Variants in RPS6KA2 observed in about 807,000 individuals in gnomAD.
RPS6KA2 encodes the protein ribosomal protein S6 kinase alpha-2.
Under a neutral mutation model 91.8 loss-of-function variants are expected in RPS6KA2, and 42 were observed. The ratio of observed to expected loss-of-function variants is 0.46; its 90% CI spans 0.36 to 0.59. The LOEUF (loss-of-function observed/expected upper bound fraction) is 0.59, where lower values mean the gene tolerates loss of function less well. RPS6KA2 is among the 20% of genes least tolerant of loss of function. The pLI, the probability that RPS6KA2 is intolerant of heterozygous loss-of-function variation, is 0.00. For synonymous variants in RPS6KA2, 414 were observed against 393.6 expected (o/e 1.05, Z -0.61); for missense variants, 798 against 978.5 (o/e 0.82, Z 2.46).
intron 2 of RPS6KA2, among the ~76,000 whole-genome samples, chr6:166,675,532 G>A (rs9348171): frequency 0.2 from 30,696 of 151,992 alleles, 3,163 homozygotes; most frequent in Middle Eastern, 0.28. Flanking sequence ...CAGCCCCAGC[G>A]CGACGTGCTC....
Position 166,411,774 on chromosome 6 carries a change from GAGA to G in RPS6KA2, c.*985_*987del, listed in dbSNP as rs889858506. On this transcript the variant is annotated 3_prime_UTR_variant, in exon 21 of 21. Transcript: ENST00000265678. This position sits in a 1 kb window ranked among gnomAD's most constrained non-coding sequence, Gnocchi z 4.5. ...TCTCCCTCCAGCCTCCAGCTGGACT[GAGA>G]AGGTTTGGGTGGGAAGCCACAGAGC... The G allele has an allele frequency of 3.3e-5, 5 of 152,430 alleles. No homozygotes were observed. The highest frequency in any genetic ancestry group is 1.2e-4 in the African/African-American group (5 of 41,460). The allele number at this position is 152,430 out of a possible 1,614,324, so 9.4% of individuals were successfully genotyped here. A position where few individuals can be genotyped will look rare whatever the true frequency, so the allele number is the denominator to read the frequency against.
intron 2 of RPS6KA2, among the ~76,000 whole-genome samples, chr6:166,690,092 C>T (rs747464064): frequency 5.3e-5 from 8 of 152,174 alleles, no homozygotes; most frequent in Non-Finnish European, 1.2e-4. Flanking sequence ...GGTGGCCTGT[C>T]AGGGGAAGGA....
At chr6:166,450,970 G>A (rs563144920) in intron 13 of RPS6KA2, 133 bp downstream of exon 13, 3 of 1,051,500 alleles carry the variant, frequency 2.9e-6, no homozygotes, top group Non-Finnish European at 4.2e-6. Context: ...AAGTGTGAGG[G>A]AAGAATTGGT....
Position 166,507,106 on chromosome 6 carries a change from G to A in RPS6KA2, c.459+1097C>T, listed in dbSNP as rs1476675888. Among the ~76,000 whole-genome samples, 3 of 151,980 alleles carry A rather than the reference G, an allele frequency of 2.0e-5. 1 individual carries two copies. Among genetic ancestry groups the A allele is most frequent in the Admixed American group, 2.0e-4 (3 of 15,272 alleles). On this transcript the variant is annotated intron_variant, in intron 5 of 20. Transcript: ENST00000265678. Reference sequence around the variant, plus strand: ...TGCGAAGACCACACCCGATGCTCCCGAACAGCCCCAATGTTCAGCCGGCTT... The same window carrying A: ...TGCGAAGACCACACCCGATGCTCCCAAACAGCCCCAATGTTCAGCCGGCTT...
intron 1 of RPS6KA2, among the ~76,000 whole-genome samples, chr6:166,561,465 C>T (rs555941852): frequency 1.3e-5 from 2 of 152,016 alleles, no homozygotes; most frequent in African/African-American, 2.4e-5. Flanking sequence ...CATGGTTCAT[C>T]GTTGACTGCT....
intron 1 of RPS6KA2, among the ~76,000 whole-genome samples, chr6:166,598,938 G>A (rs1785634722): frequency 6.6e-6 from 1 of 152,214 alleles, no homozygotes; most frequent in South Asian, 2.1e-4. Context: ...ACAGTGGGGT[G>A]TCCGATGCCC....
chr6:166,736,621 C>T (rs1017084713), intron 2 of RPS6KA2, among the ~76,000 whole-genome samples: 3 of 152,092 alleles, frequency 2.0e-5, no homozygotes, highest in African/African-American at 7.2e-5. Context: ...AAACCCACTC[C>T]AAAGTGTGCA....
chr6:166,446,640 A>G (rs1779687721), intron 14 of RPS6KA2, among the ~76,000 whole-genome samples: 1 of 152,224 alleles, frequency 6.6e-6, no homozygotes, highest in African/African-American at 2.4e-5. Context: ...GACAGTGTCC[A>G]TATAAGAGCT....
intron 19 of RPS6KA2, among the ~76,000 whole-genome samples, chr6:166,415,910 C>T (rs978286677): frequency 6.0e-5 from 9 of 151,004 alleles, no homozygotes; most frequent in African/African-American, 1.7e-4. Context: ...TCATCCTCAC[C>T]GTCCTTCCTC....
In RPS6KA2 at chr6:166,639,107, T is replaced by C. The variant is rs796513841; in HGVS notation, c.124-100323A>G. Among the ~76,000 whole-genome samples the C allele has an allele frequency of 3.4e-4, 52 of 152,296 alleles. No individual in the cohort carries two copies. The highest frequency in any genetic ancestry group is 1.3e-3 in the African/African-American group (52 of 41,546). Reference sequence around the variant, plus strand: ...ATAAGGTGCTCAATGGAGTTATTCGTAGAAATCCTAGAGTTTCACACAGAA... The same window carrying C: ...ATAAGGTGCTCAATGGAGTTATTCGCAGAAATCCTAGAGTTTCACACAGAA... On this transcript the variant is annotated intron_variant, in intron 2 of 21. Transcript: ENST00000503859. This position sits in a 1 kb window ranked among gnomAD's most constrained non-coding sequence, Gnocchi z 4.2.
chr6:166,524,839 G>A (rs1392379888), intron 3 of RPS6KA2, among the ~76,000 whole-genome samples: 5 of 152,208 alleles, frequency 3.3e-5, no homozygotes, highest in East Asian at 3.8e-4. Flanking sequence ...GACACAGCTC[G>A]TGGGGTTAGA....
intron 1 of RPS6KA2, among the ~76,000 whole-genome samples, chr6:166,573,701 C>T (rs946285718): frequency 1.3e-5 from 2 of 152,238 alleles, no homozygotes; most frequent in South Asian, 4.1e-4. Flanking sequence ...CCGTAAACAC[C>T]GAGGTTCTCT....
At chr6:166,621,181 C>T (rs1223398017) in intron 1 of RPS6KA2, among the ~76,000 whole-genome samples, 1 of 152,204 alleles carries the variant, frequency 6.6e-6, no homozygotes, top group Non-Finnish European at 1.5e-5. Flanking sequence ...CAAATGACTG[C>T]ATAACATATG....
chr6:166,701,963 C>G, intron 2 of RPS6KA2: 1 of 1,037,850 alleles, frequency 9.6e-7, no homozygotes, highest in African/African-American at 1.6e-5. Context: ...AATAAGACGG[C>G]CAACAAAGTT....
intron 2 of RPS6KA2, among the ~76,000 whole-genome samples, chr6:166,674,687 G>A (rs1013548491): frequency 6.6e-6 from 1 of 152,216 alleles, no homozygotes; most frequent in Non-Finnish European, 1.5e-5. Context: ...TTTTGTTTCT[G>A]AGATGGAGTC....
intron 2 of RPS6KA2, among the ~76,000 whole-genome samples, chr6:166,827,994 A>G (rs1780089597): frequency 6.6e-6 from 1 of 152,256 alleles, no homozygotes; most frequent in African/African-American, 2.4e-5. Flanking sequence ...GTAAATACAC[A>G]TATATTCTGT....
At chr6:166,672,964 G>A (rs893496843) in intron 2 of RPS6KA2, among the ~76,000 whole-genome samples, 3 of 152,166 alleles carry the variant, frequency 2.0e-5, no homozygotes, top group Admixed American at 6.5e-5. Context: ...GCGTGGGCTT[G>A]CTGCAGCCAG....
intron 6 of RPS6KA2, among the ~76,000 whole-genome samples, chr6:166,502,291 A>C (rs1477387510): frequency 1.3e-5 from 2 of 152,240 alleles, no homozygotes; most frequent in Non-Finnish European, 2.9e-5. Context: ...GGGAAGGAAA[A>C]GTTACAGCAT....
chr6:166,616,762 A>C (rs1243832720), intron 1 of RPS6KA2, among the ~76,000 whole-genome samples: 1 of 152,076 alleles, frequency 6.6e-6, no homozygotes, highest in Non-Finnish European at 1.5e-5. Flanking sequence ...GTGTGGCAGG[A>C]TTTTTGCCCT....
Sources: gnomAD v4.1 joint callset for allele counts (sites outside exome capture counted in the v4.1 genomes callset) on GRCh38, gnomAD v4.1.1 for gene constraint, Gnocchi (gnomAD v3.1) non-coding constraint, MANE v1.5 for transcripts, NCBI Gene and HGNC (gene_info 2026-07-23, HGNC 2026-07-21) for gene names.